NCLN: variants seen among roughly 807,000 people sequenced by gnomAD.
NCLN encodes the protein nicalin.
Under a neutral mutation model 69.5 loss-of-function variants are expected in NCLN, and 34 were observed. The ratio of observed to expected loss-of-function variants is 0.49; its 90% CI spans 0.37 to 0.65. The LOEUF is 0.65. NCLN is among the 30% of genes least tolerant of loss of function. NCLN has a pLI of 0.00. For missense variants in NCLN, 710 were observed against 804.8 expected (o/e 0.88, Z 1.42); for synonymous variants, 393 against 358.3 (o/e 1.10, Z -1.09).
At chr19:3,202,219 GGA>G (rs1349752266) in intron 6 of NCLN, among the ~76,000 whole-genome samples, 1 of 152,172 alleles carries the variant, frequency 6.6e-6, no homozygotes, top group East Asian at 1.9e-4. Flanking sequence ...GAGTAGGAAG[GGA>G]GAGAGGAGGT....
rs969869483 is a variant in NCLN, at chr19:3,209,082, C to T, written c.*1394C>T. The T allele has an allele frequency of 4.6e-5, 7 of 152,452 alleles. No homozygotes were observed. In the East Asian group the frequency reaches 1.2e-3, roughly 25 times the overall value. The allele number at this position is 152,452 out of a possible 1,614,324, so 9.4% of individuals were successfully genotyped here. A position where few individuals can be genotyped will look rare whatever the true frequency, so the allele number is the denominator to read the frequency against. On this transcript the variant is annotated 3_prime_UTR_variant, in exon 15 of 15. Transcript: ENST00000246117. ...GTGGCCCAGGGAGGTGTTTGCTGTC[C>T]GAAGGACCTGGGCCGGCCCATGGGA...
Position 3,185,952 on chromosome 19 carries a change from C to A in NCLN, c.-79C>A. ...CGCAGGACCCCGGCGGCTACCCATG[C>A]CGAGGTGAGTCCGCGGGAGCCGCCG... is the stretch of plus-strand genomic sequence containing the variant. On this transcript the variant is annotated 5_prime_UTR_variant, in exon 1 of 15. Coordinates refer to ENST00000246117, the MANE Select transcript of NCLN (RefSeq NM_020170.4). 1.7e-6 allele frequency: 2 copies of A among 1,194,018 alleles called. No homozygotes were observed. The highest frequency in any genetic ancestry group is 2.2e-6 in the Non-Finnish European group (2 of 924,852). 74.0% of individuals were successfully genotyped at this position (1,194,018 alleles called of 1,614,324 possible).
At chr19:3,197,621 C>CTT (rs34357515) in intron 4 of NCLN, among the ~76,000 whole-genome samples, 1,750 of 130,114 alleles carry the variant, frequency 0.013, 49 homozygotes, top group African/African-American at 0.045. Flanking sequence ...TTTTGTAATT[C>CTT]TTTTTTTTTT....
Position 3,204,108 on chromosome 19 carries a change from C to T in NCLN, c.993C>T (p.Gly331=). ...HLHVSKPPRE[G]TLQHAFLREL... ...ACGTGTCCAAGCCGCCTCGGGAGGG[C>T]ACCCTGCAGCACGCCTTCCTGCGGG... Residue 331 remains glycine, a synonymous_variant, in exon 8 of 15, where the codon GGC becomes GGT. Transcript: ENST00000246117. 2 of 1,522,162 alleles carry T rather than the reference C, an allele frequency of 1.3e-6. No individual in the cohort carries two copies. The highest frequency in any genetic ancestry group is 1.8e-6 in the Non-Finnish European group (2 of 1,136,162). 94.3% of individuals were successfully genotyped at this position (1,522,162 alleles called of 1,614,324 possible).
intron 5 of NCLN, among the ~76,000 whole-genome samples, chr19:3,200,703 C>T (rs1327465575): frequency 6.6e-6 from 1 of 152,148 alleles, no homozygotes; most frequent in African/African-American, 2.4e-5. Flanking sequence ...ACGGTCTCCA[C>T]CTCTAATTCC....
intron 6 of NCLN, among the ~76,000 whole-genome samples, chr19:3,203,485 T>C (rs1391554231): frequency 6.6e-6 from 1 of 152,006 alleles, no homozygotes; most frequent in Non-Finnish European, 1.5e-5. Flanking sequence ...TGATTTGCAG[T>C]TGTCATTGGG....
intron 13 of NCLN, 53 bp downstream of exon 13, chr19:3,207,304 C>T (rs1344100854): frequency 1.2e-5 from 19 of 1,611,902 alleles, no homozygotes; most frequent in South Asian, 3.3e-5. Context: ...GGGTTACAGC[C>T]GAGGGGACTG....
In NCLN at chr19:3,205,213, G is replaced by A. The variant is rs533514214; in HGVS notation, c.1208+462G>A. Among the ~76,000 whole-genome samples the A allele has an allele frequency of 6.6e-6, 1 of 152,334 alleles. No individual in the cohort carries two copies. Among genetic ancestry groups the A allele is most frequent in the South Asian group, 2.1e-4 (1 of 4,832 alleles). On this transcript the variant is annotated intron_variant, in intron 9 of 14. Coordinates refer to ENST00000246117, the MANE Select transcript of NCLN (RefSeq NM_020170.4). This position sits in a 1 kb window ranked among gnomAD's most constrained non-coding sequence, Gnocchi z 4.6. ...GTCCTGCCCGTCTCTCTGCCATCAT[G>A]TGAGCCCCTGGGCAGGCTTTTGTGG...
At chr19:3,206,751 G>A (rs1030308449) in intron 12 of NCLN, among the ~76,000 whole-genome samples, 3 of 152,180 alleles carry the variant, frequency 2.0e-5, no homozygotes, top group East Asian at 1.9e-4. Flanking sequence ...CGGAAGAATC[G>A]CTTGAACCCA....
chr19:3,194,746 T>C (rs1280722366), intron 3 of NCLN, among the ~76,000 whole-genome samples: 1 of 147,196 alleles, frequency 6.8e-6, no homozygotes, highest in African/African-American at 2.6e-5. Flanking sequence ...GTCGTCTTCT[T>C]TTTTTTTTTT....
Position 3,201,427 on chromosome 19 carries a change from G to C in NCLN, c.697-96G>C, listed in dbSNP as rs538597349. On this transcript the variant is annotated intron_variant, in intron 5 of 14. Coordinates refer to ENST00000246117, the MANE Select transcript of NCLN (RefSeq NM_020170.4). ...ATGGGGCTACGGGAGTAGGGTGGGG[G>C]TGACGGAGAGATGACTGTGGCTGCT... The C allele has an allele frequency of 4.9e-4, 408 of 824,488 alleles. 1 individual carries two copies. The highest frequency in any genetic ancestry group is 1.9e-3 in the Middle Eastern group (8 of 4,290). 51.1% of individuals were successfully genotyped at this position (824,488 alleles called of 1,614,324 possible).
chr19:3,204,016 C>T lies in NCLN; in HGVS notation c.901C>T (p.Leu301Phe), dbSNP rs1916193001. ...DNLDHTDSSL[L>F]QDNVAFVLCL... ...TCGGTGTCCTGCAGACTCCAGCCTG[C>T]TTCAGGACAATGTGGCCTTCGTGCT... Residue 301 changes from leucine to phenylalanine, a missense_variant, in exon 8 of 15, where the codon CTT (leucine) becomes TTT (phenylalanine). Transcript: ENST00000246117. 6.4e-7 allele frequency: 1 copy of T among 1,571,838 alleles called. No homozygotes were observed. Among genetic ancestry groups the T allele is most frequent in the Non-Finnish European group, 8.6e-7 (1 of 1,158,760 alleles).
Position 3,204,568 on chromosome 19 carries a change from T to A in NCLN, c.1030-5T>A, listed in dbSNP as rs965333961. 6.5e-7 allele frequency: 1 copy of A among 1,529,498 alleles called. No individual in the cohort carries two copies. Among genetic ancestry groups the A allele is most frequent in the Non-Finnish European group, 8.8e-7 (1 of 1,136,158 alleles). The allele number at this position is 1,529,498 out of a possible 1,614,324, so 94.7% of individuals were successfully genotyped here. On this transcript the variant is annotated splice_polypyrimidine_tract_variant and splice_region_variant and intron_variant, in intron 8 of 14. Transcript: ENST00000246117. ...GCCCTCTGCTAATGGCGCCTCCGGC[T>A]GCAGGTGGCCGCGCACCAGTTCCCT...
rs1406290467 is a variant in NCLN, at chr19:3,201,635, C to T, written c.800+9C>T. 2.4e-5 allele frequency: 16 copies of T among 660,030 alleles called. 1 individual carries two copies. Among genetic ancestry groups the T allele is most frequent in the East Asian group, 1.1e-4 (2 of 17,680 alleles). 40.9% of individuals were successfully genotyped at this position (660,030 alleles called of 1,614,324 possible). A position where few individuals can be genotyped will look rare whatever the true frequency, so the allele number is the denominator to read the frequency against. On this transcript the variant is annotated intron_variant, in intron 6 of 14. Transcript: ENST00000246117. ...AAGCGCACGCACGCCGCGTGAGTGC[C>T]GGGGTGGGCAGGGGGATGGGGGTGC...
chr19:3,187,847 A>C (rs1038157495), intron 1 of NCLN, among the ~76,000 whole-genome samples: 1 of 152,124 alleles, frequency 6.6e-6, no homozygotes. Context: ...CTCCTCATGC[A>C]GTGACCGCGT....
chr19:3,188,353 C>T (rs1025527938), intron 1 of NCLN, among the ~76,000 whole-genome samples: 1 of 152,198 alleles, frequency 6.6e-6, no homozygotes, highest in Non-Finnish European at 1.5e-5. Context: ...GCAAGTCCGC[C>T]CAGGGAATGC....
At chr19:3,193,212 G>C in intron 2 of NCLN, 72 bp from the exon 3 acceptor site, 1 of 1,440,838 alleles carries the variant, frequency 6.9e-7, no homozygotes, top group Non-Finnish European at 9.4e-7. Flanking sequence ...ACCAGGGACA[G>C]TCACTGGGCC....
intron 4 of NCLN, among the ~76,000 whole-genome samples, chr19:3,196,482 G>A (rs1915959360): frequency 6.6e-6 from 1 of 152,082 alleles, no homozygotes; most frequent in Admixed American, 6.6e-5. Context: ...GTCGCTCTGT[G>A]GAGTGCCCAG....
At chr19:3,189,581 A>G (rs2144894122) in intron 1 of NCLN, among the ~76,000 whole-genome samples, 1 of 152,344 alleles carries the variant, frequency 6.6e-6, no homozygotes, top group South Asian at 2.1e-4. Context: ...TGTCACGCCA[A>G]CTGGTGACTT....
Sources: allele counts gnomAD v4.1 joint callset (sites outside exome capture counted in the v4.1 genomes callset), GRCh38; gene constraint gnomAD v4.1.1; non-coding constraint Gnocchi (gnomAD v3.1); transcripts MANE v1.5; gene names NCBI Gene and HGNC (gene_info 2026-07-23, HGNC 2026-07-21).